Variants in RMDN2 observed in about 807,000 individuals in gnomAD.
RMDN2 encodes the protein regulator of microtubule dynamics protein 2.
RMDN2 carries 61 observed loss-of-function variants against 52.8 expected under a neutral mutation model. The ratio of observed to expected loss-of-function variants is 1.16; its 90% CI spans 0.94 to 1.43. The LOEUF (loss-of-function observed/expected upper bound fraction) is 1.43. Ranked by LOEUF, RMDN2 falls within the 40% of genes most tolerant of loss-of-function variation. The pLI is 0.00. For synonymous variants in RMDN2, 180 were observed against 153.1 expected (o/e 1.18, Z -1.30); for missense variants, 592 against 475.3 (o/e 1.25, Z -2.28).
chr2:37,932,991 T>C (rs1208118467), intron 2 of RMDN2, among the ~76,000 whole-genome samples: 3 of 146,768 alleles, frequency 2.0e-5, no homozygotes, highest in Non-Finnish European at 3.0e-5. Context: ...GGGTGGCTGC[T>C]GGGTGGAGGG....
chr2:37,963,980 G>A (rs866103147), intron 2 of RMDN2, among the ~76,000 whole-genome samples: 9 of 150,758 alleles, frequency 6.0e-5, no homozygotes, highest in South Asian at 4.2e-4. Flanking sequence ...GCGGCTGGCC[G>A]GGCGGGGGCT....
intron 10 of RMDN2, among the ~76,000 whole-genome samples, chr2:38,031,900 G>C (rs1333343559): frequency 4.6e-5 from 7 of 152,098 alleles, no homozygotes; most frequent in African/African-American, 1.7e-4. Context: ...CCCAAAGAAG[G>C]AGCCCATAAA....
intron 7 of RMDN2, among the ~76,000 whole-genome samples, chr2:37,995,360 CTACT>C (rs1675390076): frequency 6.7e-6 from 1 of 150,252 alleles, no homozygotes; most frequent in Non-Finnish European, 1.5e-5. Flanking sequence ...ACTACTACTA[CTACT>C]ACACACACAC....
intron 10 of RMDN2, among the ~76,000 whole-genome samples, chr2:38,007,246 T>G (rs984250856): frequency 1.3e-5 from 2 of 152,186 alleles, no homozygotes; most frequent in African/African-American, 4.8e-5. Flanking sequence ...GATTCCCTCT[T>G]TTTCTGTTGA....
chr2:37,934,872 T>C (rs1252268014), intron 2 of RMDN2, among the ~76,000 whole-genome samples: 3 of 152,216 alleles, frequency 2.0e-5, no homozygotes, highest in Non-Finnish European at 2.9e-5. Flanking sequence ...ACTCTATGGG[T>C]CTAAAACTAT....
intron 10 of RMDN2, chr2:38,030,705 T>C (rs920268432): frequency 1.3e-5 from 2 of 152,186 alleles, no homozygotes; most frequent in African/African-American, 4.8e-5. Flanking sequence ...TTTAAGAAAA[T>C]GATATCACCA....
At chr2:38,006,229 A>G (rs969777382) in intron 10 of RMDN2, among the ~76,000 whole-genome samples, 4 of 152,160 alleles carry the variant, frequency 2.6e-5, no homozygotes, top group Non-Finnish European at 4.4e-5. Flanking sequence ...GTTTTTTCCA[A>G]TTCTGTGAAG....
At chr2:37,945,152 GA>G (rs1668120246) in intron 2 of RMDN2, among the ~76,000 whole-genome samples, 1 of 152,182 alleles carries the variant, frequency 6.6e-6, no homozygotes, top group African/African-American at 2.4e-5. Flanking sequence ...GTACTAGCTT[GA>G]AAAGGTTAAG....
chr2:37,952,167 G>A (rs1201852966), intron 2 of RMDN2: 1 of 1,613,190 alleles, frequency 6.2e-7, no homozygotes, highest in Non-Finnish European at 8.5e-7. Flanking sequence ...TCAAGATGAA[G>A]ACAGATCTTC....
chr2:38,056,401 T>C (rs1021539646), intron 10 of RMDN2, among the ~76,000 whole-genome samples: 3 of 152,192 alleles, frequency 2.0e-5, no homozygotes, highest in African/African-American at 4.8e-5. Context: ...CACACTGTGT[T>C]GGGGCATGCC....
At chr2:37,938,626 G>A (rs1667517803) in intron 2 of RMDN2, among the ~76,000 whole-genome samples, 1 of 152,202 alleles carries the variant, frequency 6.6e-6, no homozygotes, top group African/African-American at 2.4e-5. Context: ...GTCTTGGGAG[G>A]GTGTATGTGT....
intron 10 of RMDN2, among the ~76,000 whole-genome samples, chr2:38,009,632 T>C (rs1677652631): frequency 6.6e-6 from 1 of 152,210 alleles, no homozygotes; most frequent in South Asian, 2.1e-4. Flanking sequence ...TCAAGGTTTT[T>C]AACTTCTTTG....
At chr2:37,958,697 G>A (rs781634558) in intron 2 of RMDN2, among the ~76,000 whole-genome samples, 2 of 150,718 alleles carry the variant, frequency 1.3e-5, no homozygotes, top group Non-Finnish European at 2.9e-5. Flanking sequence ...GGTGAGAGAG[G>A]GCATCCTTGT....
intron 5 of RMDN2, among the ~76,000 whole-genome samples, chr2:37,986,442 G>C (rs1674029463): frequency 6.6e-6 from 1 of 152,106 alleles, no homozygotes; most frequent in Non-Finnish European, 1.5e-5. Flanking sequence ...CTCATTGTTT[G>C]AGTGTAGCAT....
chr2:38,014,950 TG>T (rs1376358916), intron 10 of RMDN2, among the ~76,000 whole-genome samples: 1 of 152,222 alleles, frequency 6.6e-6, no homozygotes, highest in Non-Finnish European at 1.5e-5. Context: ...TACTGCAACT[TG>T]GGCCATGGGC....
intron 10 of RMDN2, among the ~76,000 whole-genome samples, chr2:38,056,882 C>G (rs900710880): frequency 7.2e-5 from 11 of 152,164 alleles, no homozygotes; most frequent in Admixed American, 4.6e-4. Context: ...TTCCATTTAA[C>G]TGCTGCATTC....
At chr2:37,973,835 G>C (rs188103692) in intron 2 of RMDN2, among the ~76,000 whole-genome samples, 1 of 152,214 alleles carries the variant, frequency 6.6e-6, no homozygotes, top group East Asian at 1.9e-4. Flanking sequence ...TAGGAAATGA[G>C]ATCAAAGAGG....
chr2:38,000,732 A>T (rs1167526528), intron 8 of RMDN2, among the ~76,000 whole-genome samples: 1 of 152,148 alleles, frequency 6.6e-6, no homozygotes, highest in Non-Finnish European at 1.5e-5. Flanking sequence ...TAATTTGTTT[A>T]TGTGTTAACT....
intron 2 of RMDN2, among the ~76,000 whole-genome samples, chr2:37,968,882 A>G (rs920583917): frequency 6.6e-6 from 1 of 152,250 alleles, no homozygotes; most frequent in African/African-American, 2.4e-5. Flanking sequence ...TTTCTAACCC[A>G]AAGTTAATAA....
Sources: gnomAD v4.1 joint callset for allele counts (sites outside exome capture counted in the v4.1 genomes callset) on GRCh38, gnomAD v4.1.1 for gene constraint, MANE v1.5 for transcripts, NCBI Gene and HGNC (gene_info 2026-07-23, HGNC 2026-07-21) for gene names.